The following PRKN variants were observed in gnomAD, a reference collection of about 807,000 sequenced individuals.
PRKN encodes parkin RBR E3 ubiquitin protein ligase.
In PRKN, 56 loss-of-function variants were observed where a neutral mutation model predicts 59.5. The observed-to-expected ratio is 0.94, with a 90% CI of 0.76 to 1.18. PRKN has a LOEUF of 1.18. Ranked by LOEUF, PRKN falls within the 50% of genes most tolerant of loss-of-function variation. PRKN has a pLI of 0.00. For synonymous variants in PRKN, 250 were observed against 222.1 expected, an observed-to-expected ratio of 1.13 and a Z score of -1.12; for missense variants, 657 against 596.4, an observed-to-expected ratio of 1.10 and a Z score of -1.06.
At chr6:161,930,967 ACT>A (rs1404385233) in intron 6 of PRKN, among the ~76,000 whole-genome samples, 4 of 152,222 alleles carry the variant, frequency 2.6e-5, no homozygotes, top group Admixed American at 1.3e-4. Flanking sequence ...AAGGAACGTA[ACT>A]CTGCCAACAC....
chr6:162,095,746 A>G (rs1001740246), intron 4 of PRKN, among the ~76,000 whole-genome samples: 1 of 152,180 alleles, frequency 6.6e-6, no homozygotes, highest in Non-Finnish European at 1.5e-5. Flanking sequence ...ATGGTTTGGT[A>G]TCAAGAACGT....
At chr6:161,973,277 A>C in intron 6 of PRKN, 25 bp downstream of exon 6, 5 of 1,401,620 alleles carry the variant, frequency 3.6e-6, no homozygotes, top group Non-Finnish European at 5.1e-6. Flanking sequence ...CGTGGAGGGA[A>C]GTGACACTAT....
intron 2 of PRKN, among the ~76,000 whole-genome samples, chr6:162,273,312 A>G (rs1780476610): frequency 6.6e-6 from 1 of 152,024 alleles, no homozygotes; most frequent in Admixed American, 6.6e-5. Context: ...GGTGTGAGGC[A>G]CAGAAAATGT....
intron 9 of PRKN, among the ~76,000 whole-genome samples, chr6:161,512,107 T>C (rs963827048): frequency 6.6e-6 from 1 of 152,212 alleles, no homozygotes; most frequent in Non-Finnish European, 1.5e-5. Flanking sequence ...CAAGTGTACC[T>C]AATCTATTCA....
In PRKN at chr6:161,445,842, C is replaced by T. The variant is rs909929839; in HGVS notation, c.1084-58965G>A. 6.8e-6 allele frequency among the ~76,000 whole-genome samples: 1 copy of T among 147,158 alleles called. No individual in the cohort carries two copies. The highest frequency in any genetic ancestry group is 2.5e-5 in the African/African-American group (1 of 39,804). On this transcript the variant is annotated intron_variant, in intron 9 of 11. Coordinates refer to ENST00000366898, the MANE Select transcript of PRKN (RefSeq NM_004562.3). This position sits in a 1 kb window ranked among gnomAD's most constrained non-coding sequence, Gnocchi z 7.7. ...TCCCTTCCCTTCCCTTCCCTATCGA[C>T]AGCCTTGCAGGGTGGTGGTTTCCTT...
intron 3 of PRKN, among the ~76,000 whole-genome samples, chr6:162,232,547 T>C (rs930744083): frequency 2.6e-5 from 4 of 152,220 alleles, no homozygotes; most frequent in Non-Finnish European, 5.9e-5. Flanking sequence ...TTTCTGAGGA[T>C]AGGCATATAA....
In PRKN at chr6:161,588,654, C is replaced by G. The variant is rs1781604643; in HGVS notation, c.872-19238G>C. Among the ~76,000 whole-genome samples the G allele has an allele frequency of 6.6e-6, 1 of 152,016 alleles. No individual in the cohort carries two copies. Among genetic ancestry groups the G allele is most frequent in the African/African-American group, 2.4e-5 (1 of 41,384 alleles). On this transcript the variant is annotated intron_variant, in intron 7 of 11. Transcript: ENST00000366898. The surrounding 1 kb of genome is among the most constrained non-coding windows in gnomAD (Gnocchi z 5.0). ...CATGATACTGATCCATGTGAGCCACCAACTTGGTTCTGAGTTTCCCAGCAA... is the reference window on the plus strand; with the variant it reads ...CATGATACTGATCCATGTGAGCCACGAACTTGGTTCTGAGTTTCCCAGCAA...
Position 162,263,876 on chromosome 6 carries a change from C to T in PRKN, c.172-1111G>A, listed in dbSNP as rs139734606. ...GGCTGAGGCAGGAGGATCACTTGAACGCCACCCCCACCCCCCCAACCAAAA... is the reference window on the plus strand; with the variant it reads ...GGCTGAGGCAGGAGGATCACTTGAATGCCACCCCCACCCCCCCAACCAAAA... On this transcript the variant is annotated intron_variant, in intron 2 of 11. Transcript: ENST00000366898. Among the ~76,000 whole-genome samples the T allele has an allele frequency of 1.6e-3, 248 of 151,896 alleles. 5 individuals carry two copies. In the East Asian group the frequency reaches 0.025, roughly 15 times the overall value.
In PRKN at chr6:161,388,973, GC is replaced by G. The variant is rs1316425755; in HGVS notation, c.1084-2097del. On this transcript the variant is annotated intron_variant, in intron 9 of 11. Transcript: ENST00000366898. This position sits in a 1 kb window ranked among gnomAD's most constrained non-coding sequence, Gnocchi z 4.3. Reference sequence around the variant, plus strand: ...ACAGTAATAAATAAGAATATAATATGCTGAAAGTAGTGTCTGGAAGATTCAA... The same window carrying G: ...ACAGTAATAAATAAGAATATAATATGTGAAAGTAGTGTCTGGAAGATTCAA... Among the ~76,000 whole-genome samples the G allele has an allele frequency of 2.6e-5, 4 of 152,194 alleles. No individual in the cohort carries two copies. Among genetic ancestry groups the G allele is most frequent in the African/African-American group, 9.7e-5 (4 of 41,442 alleles).
At chr6:162,439,077 C>A (rs909861888) in intron 2 of PRKN, among the ~76,000 whole-genome samples, 2 of 152,122 alleles carry the variant, frequency 1.3e-5, no homozygotes, top group Non-Finnish European at 1.5e-5. Context: ...TTATGTCAAA[C>A]CCATCAGTGA....
At chr6:162,611,797 C>A (rs1782162935) in intron 1 of PRKN, among the ~76,000 whole-genome samples, 1 of 152,082 alleles carries the variant, frequency 6.6e-6, no homozygotes, top group South Asian at 2.1e-4. Flanking sequence ...GTTTGTTGTA[C>A]AAGTGAAGCG....
At chr6:161,762,972 G>T (rs533077211) in intron 7 of PRKN, among the ~76,000 whole-genome samples, 14 of 152,198 alleles carry the variant, frequency 9.2e-5, no homozygotes, top group African/African-American at 3.1e-4. Context: ...AGACTACTGA[G>T]GACAAAAGAT....
intron 7 of PRKN, among the ~76,000 whole-genome samples, chr6:161,641,045 T>C (rs1783719190): frequency 6.6e-6 from 1 of 152,212 alleles, no homozygotes; most frequent in Admixed American, 6.5e-5. Flanking sequence ...CAACTCCATC[T>C]TCCTTCTCAT....
intron 9 of PRKN, among the ~76,000 whole-genome samples, chr6:161,455,894 A>T (rs1419470020): frequency 6.6e-6 from 1 of 152,120 alleles, no homozygotes; most frequent in African/African-American, 2.4e-5. Context: ...GGTGCATACA[A>T]ATAAATACAT....
chr6:162,555,599 T>C (rs1253471875), intron 1 of PRKN, among the ~76,000 whole-genome samples: 1 of 151,646 alleles, frequency 6.6e-6, no homozygotes, highest in African/African-American at 2.4e-5. Context: ...CATGTTTCAA[T>C]AAATGATGTC....
chr6:162,659,204 T>C (rs1405715738), intron 1 of PRKN, among the ~76,000 whole-genome samples: 3 of 152,212 alleles, frequency 2.0e-5, no homozygotes, highest in East Asian at 3.8e-4. Flanking sequence ...TTTCTGGCTA[T>C]GCCTAATTTT....
Position 161,379,890 on chromosome 6 carries a change from A to C in PRKN, c.1167+6904T>G, listed in dbSNP as rs1745040741. On this transcript the variant is annotated intron_variant, in intron 10 of 11. Coordinates refer to ENST00000366898, the MANE Select transcript of PRKN (RefSeq NM_004562.3). This position sits in a 1 kb window ranked among gnomAD's most constrained non-coding sequence, Gnocchi z 4.9. ...CTTCCTGGAAAACATGTACTATTAC[A>C]ATTCCCTACTAAGTGTTTTTCATAT... is the stretch of plus-strand genomic sequence containing the variant. Among the ~76,000 whole-genome samples the C allele has an allele frequency of 6.6e-6, 1 of 152,188 alleles. No individual in the cohort carries two copies.
At chr6:161,918,781 T>A (rs565031197) in intron 6 of PRKN, among the ~76,000 whole-genome samples, 4 of 152,316 alleles carry the variant, frequency 2.6e-5, no homozygotes, top group Admixed American at 2.0e-4. Flanking sequence ...CTTAACGAGA[T>A]ATACGACTGG....
At chr6:161,615,425 T>C (rs1309775863) in intron 7 of PRKN, among the ~76,000 whole-genome samples, 1 of 152,246 alleles carries the variant, frequency 6.6e-6, no homozygotes, top group African/African-American at 2.4e-5. Context: ...TATAAATATG[T>C]CAATACTTTC....
Sources: allele counts gnomAD v4.1 joint callset (sites outside exome capture counted in the v4.1 genomes callset), GRCh38; gene constraint gnomAD v4.1.1; non-coding constraint Gnocchi (gnomAD v3.1); transcripts MANE v1.5; gene names NCBI Gene and HGNC (gene_info 2026-07-23, HGNC 2026-07-21).